ROR2: variants seen among roughly 807,000 people sequenced by gnomAD.
ROR2 encodes ROR family WNT receptor 2, also known as tyrosine-protein kinase transmembrane receptor ROR2.
Under a neutral mutation model 74.9 loss-of-function variants are expected in ROR2, and 33 were observed. The observed-to-expected ratio is 0.44, with a 90% CI of 0.33 to 0.59. The LOEUF is 0.59. ROR2 is among the 20% of genes least tolerant of loss of function. ROR2 has a pLI of 0.02. For synonymous variants in ROR2, 586 were observed against 558.7 expected (o/e 1.05, Z -0.69); for missense variants, 1,216 against 1,313.8 (o/e 0.93, Z 1.15).
intron 1 of ROR2, among the ~76,000 whole-genome samples, chr9:91,787,644 A>C (rs1382680331): frequency 2.0e-5 from 3 of 152,250 alleles, no homozygotes; most frequent in Non-Finnish European, 4.4e-5. Context: ...GTAACGAGGC[A>C]AACACCATCA....
intron 1 of ROR2, among the ~76,000 whole-genome samples, chr9:91,851,253 G>A (rs1829079792): frequency 6.6e-6 from 1 of 151,766 alleles, no homozygotes; most frequent in African/African-American, 2.4e-5. Context: ...TCAGGAGGCT[G>A]AGGCAGGAGA....
chr9:91,906,131 T>C (rs1002081120), intron 1 of ROR2, among the ~76,000 whole-genome samples: 6 of 152,090 alleles, frequency 3.9e-5, no homozygotes, highest in Non-Finnish European at 7.4e-5. Context: ...GAAGCTCCCG[T>C]GGCCAGGCTG....
intron 3 of ROR2, among the ~76,000 whole-genome samples, chr9:91,756,727 A>G (rs1278491619): frequency 1.7e-5 from 2 of 114,752 alleles, no homozygotes; most frequent in African/African-American, 6.1e-5. Flanking sequence ...ATCTGCACCT[A>G]TTTTCTTTTT....
Position 91,909,847 on chromosome 9 carries a change from G to GTTTTTTTTTTTTTTT in ROR2, c.97+40005_97+40019dup, listed in dbSNP as rs71362365. ...TCTTTTTTTTTTTTAGGTTTGTTTTGTTTTTTTTTTTTTTTTTTTTTTTTA... is the reference window on the plus strand; with the variant it reads ...TCTTTTTTTTTTTTAGGTTTGTTTTGTTTTTTTTTTTTTTTTTTTTTTTTTTTTTTTTTTTTTTTA... On this transcript the variant is annotated intron_variant, in intron 1 of 8. Transcript: ENST00000375708. 3.0e-3 allele frequency among the ~76,000 whole-genome samples: 159 copies of GTTTTTTTTTTTTTTT among 53,636 alleles called. 3 individuals are homozygous for GTTTTTTTTTTTTTTT. The highest frequency in any genetic ancestry group is 4.0e-3 in the Non-Finnish European group (128 of 32,132). The allele number at this position is 53,636 out of a possible 152,430, so 35.2% of individuals were successfully genotyped here. A position where few individuals can be genotyped will look rare whatever the true frequency, so the allele number is the denominator to read the frequency against.
chr9:91,911,681 G>A (rs1029135317), intron 1 of ROR2, among the ~76,000 whole-genome samples: 3 of 152,000 alleles, frequency 2.0e-5, no homozygotes, highest in Admixed American at 6.6e-5. Flanking sequence ...ACAGATGGAG[G>A]CTAGAATTAG....
At chr9:91,741,744 C>T (rs979293556) in intron 4 of ROR2, among the ~76,000 whole-genome samples, 9 of 152,198 alleles carry the variant, frequency 5.9e-5, no homozygotes, top group Non-Finnish European at 1.3e-4. Flanking sequence ...GAAGCTCAAT[C>T]TGTGACTCAC....
intron 1 of ROR2, among the ~76,000 whole-genome samples, chr9:91,830,809 CGTGTGT>C (rs34963566): frequency 0.013 from 1,870 of 139,584 alleles, 21 homozygotes; most frequent in African/African-American, 0.024. Context: ...TAACTGTGTC[CGTGTGT>C]GTGTGTGTGT....
intron 1 of ROR2, among the ~76,000 whole-genome samples, chr9:91,935,006 C>A (rs868390104): frequency 6.6e-5 from 10 of 152,234 alleles, no homozygotes; most frequent in Middle Eastern, 3.4e-3. Flanking sequence ...TACATAATTA[C>A]GTTCTTGACA....
At chr9:91,942,634 G>C (rs1831904804) in intron 1 of ROR2, among the ~76,000 whole-genome samples, 1 of 152,062 alleles carries the variant, frequency 6.6e-6, no homozygotes, top group Non-Finnish European at 1.5e-5. Flanking sequence ...AGCTCAGAAA[G>C]TGACCTTATT....
chr9:91,753,374 G>A (rs1825647972), intron 4 of ROR2, among the ~76,000 whole-genome samples: 1 of 152,202 alleles, frequency 6.6e-6, no homozygotes, highest in South Asian at 2.1e-4. Flanking sequence ...CCAGGGAAAT[G>A]GAGAACAAAG....
chr9:91,910,304 C>A (rs1487415925), intron 1 of ROR2, among the ~76,000 whole-genome samples: 1 of 152,130 alleles, frequency 6.6e-6, no homozygotes, highest in Non-Finnish European at 1.5e-5. Flanking sequence ...GGCAATCTGG[C>A]CAGACTTATC....
chr9:91,746,368 T>G (rs1045271616), intron 4 of ROR2, among the ~76,000 whole-genome samples: 3 of 152,204 alleles, frequency 2.0e-5, no homozygotes. Context: ...TGAGCCACCA[T>G]GCCTGGCCTG....
chr9:91,801,979 C>T (rs1827396029), intron 1 of ROR2, among the ~76,000 whole-genome samples: 1 of 151,532 alleles, frequency 6.6e-6, no homozygotes, highest in Admixed American at 6.6e-5. Context: ...TGCAGGTTTG[C>T]GTGACTGGGC....
intron 1 of ROR2, among the ~76,000 whole-genome samples, chr9:91,830,455 GA>G (rs1563987225): frequency 6.6e-6 from 1 of 152,164 alleles, no homozygotes; most frequent in African/African-American, 2.4e-5. Context: ...CTGGGCAACA[GA>G]GTGAGACTCT....
At chr9:91,881,041 T>C (rs1161238386) in intron 1 of ROR2, among the ~76,000 whole-genome samples, 5 of 152,176 alleles carry the variant, frequency 3.3e-5, no homozygotes, top group Non-Finnish European at 5.9e-5. Flanking sequence ...TTGGGGGTAA[T>C]GGGACATCTT....
At chr9:91,764,152 T>C (rs1372773252) in intron 2 of ROR2, among the ~76,000 whole-genome samples, 1 of 152,218 alleles carries the variant, frequency 6.6e-6, no homozygotes, top group Non-Finnish European at 1.5e-5. Flanking sequence ...TTTTATTACA[T>C]CATTTGGTCC....
At chr9:91,850,651 A>G (rs1238584731) in intron 1 of ROR2, among the ~76,000 whole-genome samples, 2 of 152,218 alleles carry the variant, frequency 1.3e-5, no homozygotes, top group Non-Finnish European at 2.9e-5. Flanking sequence ...GCAGAACTGT[A>G]AGGGGATAAA....
chr9:91,748,152 G>A (rs1337655344), intron 4 of ROR2, among the ~76,000 whole-genome samples: 1 of 152,196 alleles, frequency 6.6e-6, no homozygotes, highest in Non-Finnish European at 1.5e-5. Context: ...GTGCACGCCT[G>A]TAATCCCAGC....
intron 1 of ROR2, among the ~76,000 whole-genome samples, chr9:91,857,995 A>C (rs12376130): frequency 6.6e-6 from 1 of 152,156 alleles, no homozygotes; most frequent in Non-Finnish European, 1.5e-5. Context: ...TCCTCCGGAT[A>C]TAGGCCGCCA....
Sources: allele counts gnomAD v4.1 joint callset (sites outside exome capture counted in the v4.1 genomes callset), GRCh38; gene constraint gnomAD v4.1.1; transcripts MANE v1.5; gene names NCBI Gene and HGNC (gene_info 2026-07-23, HGNC 2026-07-21).